ABHD2: variants seen among roughly 807,000 people sequenced by gnomAD.
The protein encoded by ABHD2 is monoacylglycerol lipase ABHD2.
In ABHD2, 20 loss-of-function variants were observed where a neutral mutation model predicts 48.1. That is an observed-to-expected ratio of 0.42 (90% confidence interval 0.29 to 0.60). The LOEUF (loss-of-function observed/expected upper bound fraction) is 0.60. Ranked by LOEUF, ABHD2 falls within the 20% of genes least tolerant of loss-of-function variation. ABHD2 has a pLI of 0.24. For synonymous variants in ABHD2, 209 were observed against 214.2 expected, an observed-to-expected ratio of 0.98 and a Z score of 0.21; for missense variants, 405 against 550.9, an observed-to-expected ratio of 0.74 and a Z score of 2.65.
rs748746382 is a variant in ABHD2, at chr15:89,175,209, C to CATTT, written c.539-589_539-586dup. ...CTAATCTCAAAGGATTTTGCTCTTG[C>CATTT]ATTTATTTATTTATTTACTTATTTT... On this transcript the variant is annotated intron_variant, in intron 5 of 10. Coordinates refer to ENST00000352732, the MANE Select transcript of ABHD2 (RefSeq NM_152924.5). This position sits in a 1 kb window ranked among gnomAD's most constrained non-coding sequence, Gnocchi z 5.7. Among the ~76,000 whole-genome samples the CATTT allele has an allele frequency of 7.2e-5, 11 of 152,120 alleles. No homozygotes were observed. The highest frequency in any genetic ancestry group is 1.2e-4 in the Non-Finnish European group (8 of 68,010).
chr15:89,172,120 T>C (rs2050939422), intron 5 of ABHD2, among the ~76,000 whole-genome samples: 1 of 152,114 alleles, frequency 6.6e-6, no homozygotes, highest in Admixed American at 6.5e-5. Context: ...TCAGCTACAC[T>C]CTTGTTTAAA....
Position 89,155,261 on chromosome 15 carries a change from A to G in ABHD2, c.371-106A>G, listed in dbSNP as rs1177144936. The G allele has an allele frequency of 5.6e-6, 7 of 1,254,604 alleles. No homozygotes were observed. Among genetic ancestry groups the G allele is most frequent in the Non-Finnish European group, 6.7e-6 (6 of 890,008 alleles). 77.7% of individuals were successfully genotyped at this position (1,254,604 alleles called of 1,614,324 possible). ...CCCCAGAGAACTGAGTGAAAGATGTATGTTGAATTCCCTCCCCTTGTTTTC... is the reference window on the plus strand; with the variant it reads ...CCCCAGAGAACTGAGTGAAAGATGTGTGTTGAATTCCCTCCCCTTGTTTTC... On this transcript the variant is annotated intron_variant, in intron 4 of 10. Transcript: ENST00000352732. This position sits in a 1 kb window ranked among gnomAD's most constrained non-coding sequence, Gnocchi z 4.9.
rs2051408851 is a variant in ABHD2 at position 89,196,692 on chromosome 15, C to T, written c.*1269C>T. The T allele has an allele frequency of 6.6e-6, 1 of 151,598 alleles. No individual in the cohort carries two copies. The allele number at this position is 151,598 out of a possible 1,614,324, so 9.4% of individuals were successfully genotyped here. A position where few individuals can be genotyped will look rare whatever the true frequency, so the allele number is the denominator to read the frequency against. On this transcript the variant is annotated 3_prime_UTR_variant, in exon 11 of 11. Transcript: ENST00000352732. ...ACTTTGCCTTTGATACCAAACAATT[C>T]AAAAGTTGGATCTGAGTTTGGAGAA...
rs2049930778 is a variant in ABHD2 at position 89,114,881 on chromosome 15, T to A, written c.-7+1057T>A. On this transcript the variant is annotated intron_variant, in intron 2 of 10. Transcript: ENST00000352732. This position sits in a 1 kb window ranked among gnomAD's most constrained non-coding sequence, Gnocchi z 4.2. ...CTTGATTTGAAATTGTGTCAGTAAG[T>A]TTTTAAAAATCCTTGTCTTGCCCTG... Among the ~76,000 whole-genome samples, 3 of 152,206 alleles carry A rather than the reference T, an allele frequency of 2.0e-5. No homozygotes were observed. The highest frequency in any genetic ancestry group is 2.0e-4 in the Admixed American group (3 of 15,284).
chr15:89,139,086 C>T (rs1389802195), intron 3 of ABHD2, among the ~76,000 whole-genome samples: 1 of 152,058 alleles, frequency 6.6e-6, no homozygotes, highest in Non-Finnish European at 1.5e-5. Flanking sequence ...TGGCATGTGC[C>T]TGTGGTCCCA....
chr15:89,136,740 T>C (rs570371201), intron 3 of ABHD2, among the ~76,000 whole-genome samples: 7 of 152,206 alleles, frequency 4.6e-5, no homozygotes, highest in Non-Finnish European at 1.0e-4. Flanking sequence ...ATTTAGGTAT[T>C]TGAGTTTTCC....
chr15:89,062,667 C>T, the ABHD2 span, among the ~76,000 whole-genome samples: 3 of 152,026 alleles, frequency 2.0e-5, 1 homozygote, highest in African/African-American at 7.2e-5. Context: ...GGATTACAGG[C>T]GTGAGCCACC....
Position 89,155,580 on chromosome 15 carries a change from A to G in ABHD2, c.538+46A>G, listed in dbSNP as rs752323576. 2.1e-5 allele frequency: 33 copies of G among 1,578,858 alleles called. No individual in the cohort carries two copies. Among genetic ancestry groups the G allele is most frequent in the Middle Eastern group, 1.7e-4 (1 of 5,898 alleles). ...TCCTCCCTTTTTCTGCAAGTGTGCT[A>G]CTACTTCTGCTTCTGCCTTGTTTTT... is the stretch of plus-strand genomic sequence containing the variant. On this transcript the variant is annotated intron_variant, in intron 5 of 10. Transcript: ENST00000352732. The surrounding 1 kb of genome is among the most constrained non-coding windows in gnomAD (Gnocchi z 4.9).
intron 3 of ABHD2, among the ~76,000 whole-genome samples, chr15:89,117,049 A>G (rs1485238986): frequency 6.6e-6 from 1 of 152,100 alleles, no homozygotes; most frequent in Non-Finnish European, 1.5e-5. Context: ...TTTTTTAGAT[A>G]GAGTCTTGCT....
chr15:89,127,347 C>T (rs1196843763), intron 3 of ABHD2, among the ~76,000 whole-genome samples: 1 of 152,074 alleles, frequency 6.6e-6, no homozygotes, highest in Non-Finnish European at 1.5e-5. Flanking sequence ...ATTTGGGAAC[C>T]CTGCCTGGAG....
chr15:89,170,077 ATTCTT>A (rs1213212732), intron 5 of ABHD2, among the ~76,000 whole-genome samples: 6 of 56,144 alleles, frequency 1.1e-4, no homozygotes, highest in Non-Finnish European at 1.9e-4. Flanking sequence ...GTCAGATCAG[ATTCTT>A]TTTTTTTTTT....
intron 5 of ABHD2, among the ~76,000 whole-genome samples, chr15:89,161,829 A>C (rs2050766452): frequency 6.6e-6 from 1 of 152,206 alleles, no homozygotes; most frequent in Non-Finnish European, 1.5e-5. Context: ...GCAATATCCA[A>C]ATACCACAGT....
rs1256209242 is a variant in ABHD2, at chr15:89,166,275, T to C, written c.539-9537T>C. On this transcript the variant is annotated intron_variant, in intron 5 of 10. Coordinates refer to ENST00000352732, the MANE Select transcript of ABHD2 (RefSeq NM_152924.5). The surrounding 1 kb of genome is among the most constrained non-coding windows in gnomAD (Gnocchi z 4.6). ...CCCACCAAAACACCAAGCTGGGGCA[T>C]TTGGCATTGAAAATGGCCTCGAATA... Among the ~76,000 whole-genome samples the C allele has an allele frequency of 2.0e-5, 3 of 152,218 alleles. No homozygotes were observed. The highest frequency in any genetic ancestry group is 2.0e-4 in the Admixed American group (3 of 15,282).
the ABHD2 span, among the ~76,000 whole-genome samples, chr15:89,061,966 T>C: frequency 1.3e-5 from 2 of 152,146 alleles, no homozygotes; most frequent in African/African-American, 2.4e-5. Context: ...ATAGTTTGCA[T>C]GATCAGGAGG....
chr15:89,064,216 G>A, the ABHD2 span, among the ~76,000 whole-genome samples: 1 of 108,432 alleles, frequency 9.2e-6, no homozygotes, highest in African/African-American at 3.7e-5. Context: ...ATAACATTGT[G>A]TCCTTTTTTT....
chr15:89,068,599 C>G, the ABHD2 span, among the ~76,000 whole-genome samples: 8 of 152,018 alleles, frequency 5.3e-5, no homozygotes, highest in Non-Finnish European at 1.2e-4. Flanking sequence ...AACTGGGGTC[C>G]AAGGGAAGGT....
At chr15:89,093,366 G>A (rs928343953) in intron 1 of ABHD2, among the ~76,000 whole-genome samples, 5 of 151,898 alleles carry the variant, frequency 3.3e-5, no homozygotes, top group Non-Finnish European at 7.4e-5. Flanking sequence ...TTTTGGTAGA[G>A]ACAGGGTTTC....
At chr15:89,127,618 T>G (rs2050148999) in intron 3 of ABHD2, among the ~76,000 whole-genome samples, 2 of 150,994 alleles carry the variant, frequency 1.3e-5, no homozygotes, top group African/African-American at 4.9e-5. Flanking sequence ...TTTAAAATGT[T>G]GACACCTGCC....
chr15:89,201,492 GT>G lies in ABHD2; in HGVS notation c.*6072del. 1.9e-6 allele frequency: 3 copies of G among 1,569,770 alleles called. No homozygotes were observed. Among genetic ancestry groups the G allele is most frequent in the Non-Finnish European group, 2.6e-6 (3 of 1,140,438 alleles). ...TCCACACAGCTTCCATATCTGAAGT[GT>G]TTAGTGGAGCAAAAATTGTACCATA... is the stretch of plus-strand genomic sequence containing the variant. On this transcript the variant is annotated 3_prime_UTR_variant, in exon 11 of 11. Transcript: ENST00000352732.
Sources: gnomAD v4.1 joint callset for allele counts (sites outside exome capture counted in the v4.1 genomes callset) on GRCh38, gnomAD v4.1.1 for gene constraint, Gnocchi (gnomAD v3.1) non-coding constraint, MANE v1.5 for transcripts, NCBI Gene and HGNC (gene_info 2026-07-23, HGNC 2026-07-21) for gene names.